CFAP299: variants seen among roughly 807,000 people sequenced by gnomAD.
CFAP299 encodes cilia and flagella associated protein 299.
CFAP299 carries 21 observed loss-of-function variants against 27.0 expected under a neutral mutation model. That is an observed-to-expected ratio of 0.78 (90% CI 0.55 to 1.12). CFAP299 has a LOEUF of 1.12. Among genes scored for constraint, CFAP299 ranks in the 50% most tolerant of loss-of-function variants. CFAP299 has a pLI of 0.00. For synonymous variants in CFAP299, 104 were observed against 98.1 expected (o/e 1.06, Z -0.36); for missense variants, 310 against 276.6 (o/e 1.12, Z -0.86).
At chr4:80,715,488 G>A (rs1004095075) in intron 3 of CFAP299, among the ~76,000 whole-genome samples, 4 of 151,968 alleles carry the variant, frequency 2.6e-5, no homozygotes, top group African/African-American at 9.7e-5. Context: ...TGTTTCTGAT[G>A]TGGTAATAGC....
At chr4:80,780,142 C>G (rs1726788339) in intron 3 of CFAP299, among the ~76,000 whole-genome samples, 1 of 152,024 alleles carries the variant, frequency 6.6e-6, no homozygotes, top group Admixed American at 6.6e-5. Flanking sequence ...TCCACATCTG[C>G]AAATCCTACT....
chr4:80,629,128 C>T (rs557599960), intron 3 of CFAP299, among the ~76,000 whole-genome samples: 1 of 152,118 alleles, frequency 6.6e-6, no homozygotes, highest in Non-Finnish European at 1.5e-5. Flanking sequence ...ACTATTAAGC[C>T]ATAAAAAAGA....
At chr4:80,640,217 G>A (rs947107054) in intron 3 of CFAP299, among the ~76,000 whole-genome samples, 1 of 152,148 alleles carries the variant, frequency 6.6e-6, no homozygotes, top group African/African-American at 2.4e-5. Context: ...TGGCTATGAA[G>A]CCGGCTCTGA....
chr4:80,466,164 C>G (rs1396392164), intron 2 of CFAP299, among the ~76,000 whole-genome samples: 2 of 152,128 alleles, frequency 1.3e-5, no homozygotes, highest in South Asian at 4.1e-4. Context: ...AGTTAATAAT[C>G]AAGGACAAAA....
At chr4:80,945,960 C>T (rs1737449276) in intron 5 of CFAP299, among the ~76,000 whole-genome samples, 1 of 151,796 alleles carries the variant, frequency 6.6e-6, no homozygotes, top group Non-Finnish European at 1.5e-5. Context: ...TTGAGACCAG[C>T]CTGGCAAACA....
At chr4:80,465,951 A>G (rs1055012484) in intron 2 of CFAP299, among the ~76,000 whole-genome samples, 4 of 152,224 alleles carry the variant, frequency 2.6e-5, no homozygotes, top group Non-Finnish European at 5.9e-5. Flanking sequence ...GACAACCCCA[A>G]GCTGTATTTC....
At chr4:80,532,461 C>T (rs1733526824) in intron 2 of CFAP299, among the ~76,000 whole-genome samples, 1 of 152,138 alleles carries the variant, frequency 6.6e-6, no homozygotes, top group Non-Finnish European at 1.5e-5. Context: ...AAGTATCTTG[C>T]CTTGTTCACT....
At chr4:80,823,363 C>T (rs987191218) in intron 3 of CFAP299, among the ~76,000 whole-genome samples, 1 of 152,064 alleles carries the variant, frequency 6.6e-6, no homozygotes, top group Non-Finnish European at 1.5e-5. Flanking sequence ...TACAGCATTT[C>T]CCCCATTTTT....
At chr4:80,549,442 T>C (rs1734396941) in intron 2 of CFAP299, among the ~76,000 whole-genome samples, 1 of 152,170 alleles carries the variant, frequency 6.6e-6, no homozygotes, top group South Asian at 2.1e-4. Context: ...TAAAAAGATA[T>C]ATTCTGCAGT....
In CFAP299 at chr4:80,944,583, C is replaced by T. The variant is rs553191140; in HGVS notation, c.477-227C>T. Among the ~76,000 whole-genome samples the T allele has an allele frequency of 1.4e-4, 21 of 152,130 alleles. No individual in the cohort carries two copies. The South Asian group carries it at 4.4e-3, about 32-fold the overall frequency. On this transcript the variant is annotated intron_variant, in intron 4 of 5. Transcript: ENST00000358105. ...AATAGGCCCTAGGTCTTAGAAGTGTCCAGAAAATCATGCAAAAGCATCATA... is the reference window on the plus strand; with the variant it reads ...AATAGGCCCTAGGTCTTAGAAGTGTTCAGAAAATCATGCAAAAGCATCATA...
intron 3 of CFAP299, among the ~76,000 whole-genome samples, chr4:80,730,280 A>ATGTG (rs1553953974): frequency 0.016 from 1,254 of 76,642 alleles, 14 homozygotes; most frequent in South Asian, 0.11. Flanking sequence ...GTGTGTGTGT[A>ATGTG]TGTGTGTGTG....
intron 3 of CFAP299, among the ~76,000 whole-genome samples, chr4:80,778,937 C>A (rs1271679765): frequency 6.6e-6 from 1 of 151,974 alleles, no homozygotes; most frequent in Non-Finnish European, 1.5e-5. Context: ...CACAAATTTT[C>A]ATCTGTATGA....
At chr4:80,616,175 C>A (rs1011159888) in intron 3 of CFAP299, among the ~76,000 whole-genome samples, 1 of 152,110 alleles carries the variant, frequency 6.6e-6, no homozygotes. Context: ...TAAAGTTTCA[C>A]CTGTGTATCT....
At chr4:80,817,911 G>A (rs564145248) in intron 3 of CFAP299, among the ~76,000 whole-genome samples, 82 of 151,632 alleles carry the variant, frequency 5.4e-4, no homozygotes, top group East Asian at 1.7e-3. Flanking sequence ...AACTTGTGCC[G>A]TGGTGGTTTG....
chr4:80,958,339 A>T (rs1738171449), intron 5 of CFAP299, among the ~76,000 whole-genome samples: 1 of 152,210 alleles, frequency 6.6e-6, no homozygotes, highest in Non-Finnish European at 1.5e-5. Context: ...ACATGACATT[A>T]CGGGGAAGGC....
At chr4:80,367,634 G>A (rs893901992) in intron 2 of CFAP299, among the ~76,000 whole-genome samples, 6 of 151,918 alleles carry the variant, frequency 3.9e-5, no homozygotes, top group Non-Finnish European at 8.8e-5. Context: ...TAGCTTTCTC[G>A]TCCTTTGCTT....
chr4:80,403,972 A>G (rs1337739514), intron 2 of CFAP299, among the ~76,000 whole-genome samples: 1 of 152,132 alleles, frequency 6.6e-6, no homozygotes, highest in Non-Finnish European at 1.5e-5. Context: ...TGCTACACTA[A>G]TGTTTAGTCA....
At chr4:80,462,741 T>C (rs1729501254) in intron 2 of CFAP299, among the ~76,000 whole-genome samples, 1 of 152,152 alleles carries the variant, frequency 6.6e-6, no homozygotes. Context: ...CAGAGATGGG[T>C]GATCTGGAGA....
chr4:80,805,918 G>A (rs1216839399), intron 3 of CFAP299, among the ~76,000 whole-genome samples: 1 of 151,808 alleles, frequency 6.6e-6, no homozygotes, highest in African/African-American at 2.4e-5. Flanking sequence ...AAAAGACACT[G>A]TCTTAAAACA....
Sources: gnomAD v4.1 joint callset for allele counts (sites outside exome capture counted in the v4.1 genomes callset) on GRCh38, gnomAD v4.1.1 for gene constraint, MANE v1.5 for transcripts, NCBI Gene and HGNC (gene_info 2026-07-23, HGNC 2026-07-21) for gene names.